The following RGS12 variants were observed in gnomAD, a reference collection of about 807,000 sequenced individuals.
RGS12 encodes the protein regulator of G-protein signaling 12.
In RGS12, 66 loss-of-function variants were observed where a neutral mutation model predicts 120.1. That is an observed-to-expected ratio of 0.55 (90% CI 0.45 to 0.67). The LOEUF (loss-of-function observed/expected upper bound fraction) is 0.67, where lower values mean the gene tolerates loss of function less well. Ranked by LOEUF, RGS12 falls within the 30% of genes least tolerant of loss-of-function variation. RGS12 has a pLI of 0.00. For synonymous variants in RGS12, 827 were observed against 804.7 expected, an observed-to-expected ratio of 1.03 and a Z score of -0.47; for missense variants, 1,859 against 1,957.7, an observed-to-expected ratio of 0.95 and a Z score of 0.95.
chr4:3,400,690 A>G (rs897896561), intron 4 of RGS12, among the ~76,000 whole-genome samples: 1 of 149,278 alleles, frequency 6.7e-6, no homozygotes, highest in African/African-American at 2.4e-5. Flanking sequence ...TAGTATTAGT[A>G]TTAGTAATAC....
rs896090475 is a variant in RGS12, at chr4:3,372,552, C to T, written c.1999-13864C>T. Among the ~76,000 whole-genome samples, 21 of 152,242 alleles carry T rather than the reference C, an allele frequency of 1.4e-4. No homozygotes were observed. The highest frequency in any genetic ancestry group is 2.6e-4 in the Non-Finnish European group (18 of 68,044). On this transcript the variant is annotated intron_variant, in intron 3 of 17. Transcript: ENST00000336727. The surrounding 1 kb of genome is among the most constrained non-coding windows in gnomAD (Gnocchi z 4.3). ...TTTAGTCCTCAGCTGTCAGAGGCCG[C>T]CTCGGGTGCATCCACGCTGGCCCCC...
chr4:3,289,773 C>A (rs1156427326), upstream of RGS12, among the ~76,000 whole-genome samples: 4 of 152,176 alleles, frequency 2.6e-5, no homozygotes, highest in Admixed American at 6.5e-5. Flanking sequence ...ATTCATCCTG[C>A]ATAGCTGAAA....
chr4:3,341,212 A>C (rs113171633), intron 2 of RGS12, among the ~76,000 whole-genome samples: 5,288 of 84,922 alleles, frequency 0.062, 337 homozygotes, highest in African/African-American at 0.17. Context: ...GGGCAGGGAC[A>C]AGGGTCGAGA....
intron 4 of RGS12, among the ~76,000 whole-genome samples, chr4:3,396,159 T>G (rs1293302560): frequency 6.6e-6 from 1 of 152,210 alleles, no homozygotes; most frequent in Non-Finnish European, 1.5e-5. Context: ...GATGCAGAAC[T>G]GTGGGTGCGG....
At chr4:3,436,124 C>T (rs971205624) in intron 17 of RGS12, among the ~76,000 whole-genome samples, 1 of 147,872 alleles carries the variant, frequency 6.8e-6, no homozygotes. Flanking sequence ...GACAGGGGGA[C>T]CTTGGGGGGG....
chr4:3,417,583 A>G (rs1309894252), intron 9 of RGS12, 42 bp downstream of exon 9: 17 of 1,597,602 alleles, frequency 1.1e-5, no homozygotes, highest in Non-Finnish European at 1.5e-5. Flanking sequence ...CAGGCCAGGC[A>G]GCCGCGTCCC....
At chr4:3,432,001 A>C in intron 17 of RGS12, 1 of 985,442 alleles carries the variant, frequency 1.0e-6, no homozygotes. Context: ...TTTCACAGCC[A>C]GGACACGCCT....
intron 12 of RGS12, 80 bp from the exon 13 acceptor site, chr4:3,423,435 T>A: frequency 1.5e-5 from 24 of 1,575,908 alleles, no homozygotes; most frequent in Non-Finnish European, 2.1e-5. Context: ...CCTGGGGCTG[T>A]GCTGTAGTTC....
Position 3,417,085 on chromosome 4 carries a change from CA to C in RGS12, c.2606del (p.Lys869SerfsTer2). ...TCAGACCACTCCAGTGTGTCCACGC[CA>C]AAAAAGGTGACCTCCCCGAGGCTGG... ...LGSDHSSVST[P>X]KKLSGKSKSG... On this transcript the variant is annotated frameshift_variant, in exon 8 of 18. Transcript: ENST00000336727. LOFTEE classifies it high-confidence loss of function. The C allele has an allele frequency of 1.0e-5, 16 of 1,598,570 alleles. No individual in the cohort carries two copies. Among genetic ancestry groups the C allele is most frequent in the Admixed American group, 3.4e-5 (2 of 58,968 alleles).
At chr4:3,394,586 C>T (rs1719860129) in intron 4 of RGS12, among the ~76,000 whole-genome samples, 1 of 152,214 alleles carries the variant, frequency 6.6e-6, no homozygotes, top group Non-Finnish European at 1.5e-5. Flanking sequence ...TGGCTCTATT[C>T]TGCTCACATT....
At chr4:3,404,643 T>A (rs1182444376) in intron 4 of RGS12, among the ~76,000 whole-genome samples, 1 of 152,146 alleles carries the variant, frequency 6.6e-6, no homozygotes, top group Non-Finnish European at 1.5e-5. Context: ...ATTGGAGGCG[T>A]CAGTATGAAC....
chr4:3,316,928 A>C lies in RGS12; in HGVS notation c.758A>C (p.Gln253Pro). 1.2e-6 allele frequency: 2 copies of C among 1,613,976 alleles called. No individual in the cohort carries two copies. Among genetic ancestry groups the C allele is most frequent in the Non-Finnish European group, 1.7e-6 (2 of 1,180,052 alleles). Residue 253 changes from glutamine to proline, a missense_variant, in exon 2 of 18, where the codon CAA becomes CCA. This residue lies in a region of RGS12 where 967 missense variants were observed against 994.2 expected (regional missense o/e 0.97). Transcript: ENST00000336727. ...TSSNLESDSL[Q>P]AIRGCMRRLR... ...TCCAACCTGGAGTCCGACAGCTTGC[A>C]AGCCATCCGCGGCTGCATGCGGCGC...
At chr4:3,368,688 TGGGGG>T (rs2108879539) in intron 3 of RGS12, among the ~76,000 whole-genome samples, 1 of 69,714 alleles carries the variant, frequency 1.4e-5, no homozygotes, top group South Asian at 6.7e-4. Context: ...CCTGTGTGTG[TGGGGG>T]TGCCTGTGTG....
intron 17 of RGS12, among the ~76,000 whole-genome samples, chr4:3,436,956 A>G (rs1049602956): frequency 6.6e-6 from 1 of 152,322 alleles, no homozygotes; most frequent in East Asian, 1.9e-4. Flanking sequence ...GTGTGGCCTC[A>G]GGTCTGGATG....
At position 3,390,623 on chromosome 4, in the gene RGS12, A is replaced by C. The variant is rs13152128; in HGVS notation, c.2020+4186A>C. 0.54 allele frequency among the ~76,000 whole-genome samples: 81,731 copies of C among 152,136 alleles called. 22,159 individuals carry two copies. The highest frequency in any genetic ancestry group is 0.63 in the South Asian group (3,018 of 4,822). ...CAGGCTCTTCCAGTGCCTTCACCCA[A>C]CACGCGGGCCTTTGGAGCTCAGACC... is the stretch of plus-strand genomic sequence containing the variant. On this transcript the variant is annotated intron_variant, in intron 4 of 17. Transcript: ENST00000336727. The surrounding 1 kb of genome is among the most constrained non-coding windows in gnomAD (Gnocchi z 4.6).
intron 2 of RGS12, among the ~76,000 whole-genome samples, chr4:3,328,447 G>A (rs547093678): frequency 6.6e-6 from 1 of 152,338 alleles, no homozygotes; most frequent in Admixed American, 6.5e-5. Flanking sequence ...TGAAGAGCCA[G>A]TTTAGCTCCC....
intron 17 of RGS12, chr4:3,432,137 T>A: frequency 1.0e-6 from 1 of 985,506 alleles, no homozygotes; most frequent in Non-Finnish European, 1.2e-6. Flanking sequence ...GTTTTGAGTC[T>A]GTTCTTCCAG....
intron 17 of RGS12, among the ~76,000 whole-genome samples, chr4:3,436,612 G>A (rs962659560): frequency 6.6e-6 from 1 of 152,222 alleles, no homozygotes; most frequent in Admixed American, 6.5e-5. Flanking sequence ...TGCTCCCGCT[G>A]TGCCTGCCAG....
chr4:3,438,802 G>C (rs1456057675), intron 17 of RGS12, among the ~76,000 whole-genome samples: 1 of 152,120 alleles, frequency 6.6e-6, no homozygotes, highest in East Asian at 1.9e-4. Flanking sequence ...CCAGAAGTGG[G>C]GCAAGAGTCA....
Sources: allele counts gnomAD v4.1 joint callset (sites outside exome capture counted in the v4.1 genomes callset), GRCh38; gene constraint gnomAD v4.1.1; regional missense constraint gnomAD v4.1.1; non-coding constraint Gnocchi (gnomAD v3.1); transcripts MANE v1.5; gene names NCBI Gene and HGNC (gene_info 2026-07-23, HGNC 2026-07-21).